The following FLG2 variants were observed in gnomAD, a reference collection of about 807,000 sequenced individuals.
FLG2 encodes filaggrin-2.
FLG2 carries 7 observed loss-of-function variants against 3.9 expected under a neutral mutation model. That is an observed-to-expected ratio of 1.79 (90% CI 1.02 to 3.36). The LOEUF is 3.36. Among genes scored for constraint, FLG2 ranks in the 30% most tolerant of loss-of-function variants. The probability of loss-of-function intolerance (pLI) is 0.00; values close to 1 mark genes in which losing one functional copy is unlikely to be tolerated. For synonymous variants in FLG2, 1,031 were observed against 1,056.1 expected (o/e 0.98, Z 0.46); for missense variants, 2,700 against 2,809.4 (o/e 0.96, Z 0.88).
At position 152,353,542 on chromosome 1, in the gene FLG2, C is replaced by A; in HGVS notation, c.4244G>T (p.Arg1415Met). The change falls in exon 3 of 3, where the codon AGG (arginine) becomes ATG (methionine). Residue 1415 changes from arginine to methionine, a missense_variant. Transcript: ENST00000388718. The part of the protein sequence containing the change: ...GHGQSTQRGS[R>M]TTGRRGSGHS... ...GCCAGATCCCCTTCTTCCAGTTGTC[C>A]TGGACCCTCTCTGTGTGGACTGTCC... 1 of 1,613,966 alleles carries A rather than the reference C, an allele frequency of 6.2e-7. No individual in the cohort carries two copies. Among genetic ancestry groups the A allele is most frequent in the Non-Finnish European group, 8.5e-7 (1 of 1,180,008 alleles).
rs139032808 is a variant in FLG2, at chr1:152,356,780, A to C, written c.1006T>G (p.Ser336Ala). The C allele has an allele frequency of 3.2e-5, 52 of 1,613,938 alleles. No homozygotes were observed. In the African/African-American group the frequency reaches 6.5e-4, roughly 20 times the overall value. The change falls in exon 3 of 3, where the codon TCT becomes GCT. Residue 336 changes from serine (S) to alanine (A), a missense_variant. By Grantham distance (99) the Ser-to-Ala change is moderately conservative. Transcript: ENST00000388718. ...TTAGACTCAGGTTGACCACATCCAG[A>C]GGGCTGACCTCCTGAGACACAGCCA... ...GHGCVSGGQP[S>A]GCGQPESNPC...
At position 152,355,398 on chromosome 1, in the gene FLG2, T is replaced by C. The variant is rs1245612226; in HGVS notation, c.2388A>G (p.Gln796=). The change falls in exon 3 of 3, where the codon CAA becomes CAG. Residue 796 remains glutamine (Q), a synonymous_variant. Transcript: ENST00000388718. ...HGSRQTSGFG[Q]HGSGSSQSTG... ...TGGATTGACTTGAGCCTGACCCATGTTGTCCAAAGCCAGATGTCTGTCTAG... is the reference window on the plus strand; with the variant it reads ...TGGATTGACTTGAGCCTGACCCATGCTGTCCAAAGCCAGATGTCTGTCTAG... 6.2e-7 allele frequency: 1 copy of C among 1,613,118 alleles called. No homozygotes were observed. The highest frequency in any genetic ancestry group is 8.5e-7 in the Non-Finnish European group (1 of 1,179,834).
Position 152,355,970 on chromosome 1 carries a change from A to G in FLG2, c.1816T>C (p.Phe606Leu). The G allele has an allele frequency of 6.2e-7, 1 of 1,609,108 alleles. No individual in the cohort carries two copies. The highest frequency in any genetic ancestry group is 2.2e-5 in the East Asian group (1 of 44,632). Reference sequence around the variant, plus strand: ...CCTGATCTAGACTCATGTTGTCCAAAGCCAGAGGATTGTCCTGAGCCAGAC... The same window carrying G: ...CCTGATCTAGACTCATGTTGTCCAAGGCCAGAGGATTGTCCTGAGCCAGAC... ...HGSGSGQSSG[F>L]GQHESRSGQS... Residue 606 changes from phenylalanine to leucine, a missense_variant, in exon 3 of 3, where the codon TTT (phenylalanine) becomes CTT (leucine). Phe to Leu is a conservative substitution (Grantham distance 22). Transcript: ENST00000388718.
chr1:152,352,352 G>A lies in FLG2; in HGVS notation c.5434C>T (p.His1812Tyr). The change falls in exon 3 of 3, where the codon CAC (histidine) becomes TAC (tyrosine). Residue 1812 changes from histidine (H) to tyrosine (Y), a missense_variant. His to Tyr is a moderately conservative substitution (Grantham distance 83). Transcript: ENST00000388718. ...GHSEYSDSEG[H>Y]SGFSQRPHSR... ...TGTGGTCTTTGTGAGAACCCTGAGTGCCCTTCACTGTCACTGTACTCACTG... is the reference window on the plus strand; with the variant it reads ...TGTGGTCTTTGTGAGAACCCTGAGTACCCTTCACTGTCACTGTACTCACTG... The A allele has an allele frequency of 1.2e-6, 2 of 1,613,380 alleles. No individual in the cohort carries two copies. Among genetic ancestry groups the A allele is most frequent in the South Asian group, 2.2e-5 (2 of 91,046 alleles).
At chr1:152,358,369 T>G (rs1338316938) in intron 2 of FLG2, among the ~76,000 whole-genome samples, 8 of 152,212 alleles carry the variant, frequency 5.3e-5, no homozygotes, top group Admixed American at 4.6e-4. Context: ...TTATTTTTGA[T>G]TCTTAATCAT....
rs1368627121 is a variant in FLG2, at chr1:152,350,854, C to T, written c.6932G>A (p.Gly2311Asp). The part of the protein sequence containing the change: ...TGDTTRHGHS[G>D]YGQSTQTGSR... Reference sequence around the variant, plus strand: ...ACCTGTCTGTGTGGATTGTCCATAACCAGAATGGCCATGTCTAGTGGTATC... The same window carrying T: ...ACCTGTCTGTGTGGATTGTCCATAATCAGAATGGCCATGTCTAGTGGTATC... Residue 2311 changes from glycine to aspartate, a missense_variant, in exon 3 of 3, where the codon GGT becomes GAT. Gly to Asp is a moderately conservative substitution (Grantham distance 94, BLOSUM62 -1). Transcript: ENST00000388718. The T allele has an allele frequency of 6.2e-7, 1 of 1,614,034 alleles. No homozygotes were observed. Among genetic ancestry groups the T allele is most frequent in the Non-Finnish European group, 8.5e-7 (1 of 1,180,040 alleles).
At chr1:152,357,996 A>G (rs1654312794) in intron 2 of FLG2, among the ~76,000 whole-genome samples, 1 of 151,730 alleles carries the variant, frequency 6.6e-6, no homozygotes, top group African/African-American at 2.4e-5. Flanking sequence ...GGAATTTATC[A>G]TCTATTATTT....
chr1:152,354,732 A>G lies in FLG2; in HGVS notation c.3054T>C (p.Ser1018=). 1.2e-6 allele frequency: 2 copies of G among 1,613,348 alleles called. No individual in the cohort carries two copies. The highest frequency in any genetic ancestry group is 1.7e-6 in the Non-Finnish European group (2 of 1,179,824). ...QSSGYGQHGS[S]SGQTTGFGQH... is the part of the protein sequence containing the mutation. ...GTCCAAAGCCAGTTGTCTGTCCTGA[A>G]CTAGACCCATGTTGACCATAGCCAG... Residue 1018 remains serine (S), a synonymous_variant, in exon 3 of 3, where the codon AGT becomes AGC. Coordinates refer to ENST00000388718, the MANE Select transcript of FLG2 (RefSeq NM_001014342.3).
Position 152,355,884 on chromosome 1 carries a change from A to G in FLG2, c.1902T>C (p.His634=), listed in dbSNP as rs769088988. 2 of 1,611,346 alleles carry G rather than the reference A, an allele frequency of 1.2e-6. No homozygotes were observed. The highest frequency in any genetic ancestry group is 1.1e-5 in the South Asian group (1 of 90,820). The change falls in exon 3 of 3, where the codon CAT becomes CAC. Residue 634 remains histidine, a synonymous_variant. Coordinates refer to ENST00000388718, the MANE Select transcript of FLG2 (RefSeq NM_001014342.3). ...CAAAGCCAGATGTCTGTCTAGACCC[A>G]TGTTGGCCATAGCCAGATGACTGAC... The part of the protein sequence containing the change: ...GSSQSSGYGQ[H]GSRQTSGFGQ...
intron 2 of FLG2, 124 bp from the exon 3 acceptor site, chr1:152,357,771 A>C: frequency 1.4e-6 from 1 of 697,148 alleles, no homozygotes; most frequent in Non-Finnish European, 2.4e-6. Flanking sequence ...CCAATAAAGG[A>C]TTACTTTAGG....
rs139597182 is a variant in FLG2, at chr1:152,357,058, C to T, written c.728G>A (p.Gly243Glu). 3.2e-5 allele frequency: 52 copies of T among 1,614,200 alleles called. No individual in the cohort carries two copies. In the African/African-American group the frequency reaches 5.6e-4, roughly 17 times the overall value. The change falls in exon 3 of 3, where the codon GGA (glycine) becomes GAA (glutamate). Residue 243 changes from glycine (G) to glutamate (E), a missense_variant. By Grantham distance (98) the Gly-to-Glu change is moderately conservative. Transcript: ENST00000388718. The part of the protein sequence containing the change: ...ERKGHGGLSC[G>E]LETSGHESNS... ...TGATTCATGCCCACTAGTCTCCAATCCACATGACAGACCACCATGACCTTT... is the reference window on the plus strand; with the variant it reads ...TGATTCATGCCCACTAGTCTCCAATTCACATGACAGACCACCATGACCTTT...
chr1:152,356,770 CCACATCCAGAGGGCTGA>C lies in FLG2; in HGVS notation c.999_1015del (p.Gln334SerfsTer3), dbSNP rs559419527. The C allele has an allele frequency of 4.1e-5, 66 of 1,614,152 alleles. No homozygotes were observed. Among genetic ancestry groups the C allele is most frequent in the Non-Finnish European group, 5.4e-5 (64 of 1,180,018 alleles). On this transcript the variant is annotated frameshift_variant, in exon 3 of 3. Transcript: ENST00000388718. LOFTEE classifies it low-confidence loss of function (END_TRUNC). ...ACTACAGGGGTTAGACTCAGGTTGACCACATCCAGAGGGCTGACCTCCTGAGACACAGCCATGGCCTT... is the reference window on the plus strand; with the variant it reads ...ACTACAGGGGTTAGACTCAGGTTGACCCTCCTGAGACACAGCCATGGCCTT...
Position 152,350,945 on chromosome 1 carries a change from A to C in FLG2, c.6841T>G (p.Ser2281Ala), listed in dbSNP as rs750341551. 6.2e-7 allele frequency: 1 copy of C among 1,613,208 alleles called. No homozygotes were observed. Among genetic ancestry groups the C allele is most frequent in the South Asian group, 1.1e-5 (1 of 91,036 alleles). Residue 2281 changes from serine (S) to alanine (A), a missense_variant, in exon 3 of 3, where the codon TCT (serine) becomes GCT (alanine). Ser to Ala is a moderately conservative substitution (Grantham distance 99). Transcript: ENST00000388718. ...HSGHIQGQAG[S>A]QQRQPGSTVH... is the part of the protein sequence containing the mutation. ...GTGGATCCTGGCTGTCTTTGTTGAGATCCAGCTTGGCCCTGAATGTGTCCT... is the reference window on the plus strand; with the variant it reads ...GTGGATCCTGGCTGTCTTTGTTGAGCTCCAGCTTGGCCCTGAATGTGTCCT...
chr1:152,354,465 T>C lies in FLG2; in HGVS notation c.3321A>G (p.Pro1107=), dbSNP rs199779182. ...GQTSGFGQHR[P]GSGQSSGFGQ... Reference sequence around the variant, plus strand: ...CAAAGCCAGAGGACTGACCTGAGCCTGGCCTGTGTTGTCCAAATCCAGATG... The same window carrying C: ...CAAAGCCAGAGGACTGACCTGAGCCCGGCCTGTGTTGTCCAAATCCAGATG... Residue 1107 remains proline (P), a synonymous_variant, in exon 3 of 3, where the codon CCA becomes CCG. Coordinates refer to ENST00000388718, the MANE Select transcript of FLG2 (RefSeq NM_001014342.3). The C allele has an allele frequency of 3.1e-6, 5 of 1,614,050 alleles. No individual in the cohort carries two copies. The African/African-American group carries it at 6.7e-5, about 22-fold the overall frequency.
At chr1:152,359,442 G>A (rs1421762527) in intron 1 of FLG2, among the ~76,000 whole-genome samples, 3 of 152,164 alleles carry the variant, frequency 2.0e-5, no homozygotes, top group Non-Finnish European at 4.4e-5. Context: ...TGTTTCATAG[G>A]CATGAGACAG....
At position 152,351,505 on chromosome 1, in the gene FLG2, C is replaced by A; in HGVS notation, c.6281G>T (p.Gly2094Val). ...TCCCCTTCTTCCAGCTGTCCTTGAC[C>A]CTCTCTGTGTGGACTGTCCATGACC... is the stretch of plus-strand genomic sequence containing the variant. ...HSGHGQSTQR[G>V]SRTAGRRGSG... is the part of the protein sequence containing the mutation. The change falls in exon 3 of 3, where the codon GGG becomes GTG. Residue 2094 changes from glycine (G) to valine (V), a missense_variant. Physicochemically the swap from Gly to Val is moderately radical, Grantham distance 109. Coordinates refer to ENST00000388718, the MANE Select transcript of FLG2 (RefSeq NM_001014342.3). 1 of 1,611,702 alleles carries A rather than the reference C, an allele frequency of 6.2e-7. No homozygotes were observed. Among genetic ancestry groups the A allele is most frequent in the South Asian group, 1.1e-5 (1 of 90,922 alleles).
In FLG2 at chr1:152,349,985, T is replaced by C. The variant is rs1417854006; in HGVS notation, c.*625A>G. On this transcript the variant is annotated 3_prime_UTR_variant, in exon 3 of 3. Transcript: ENST00000388718. Reference sequence around the variant, plus strand: ...ATGTATCTTTGACTTTTGCTGTCATTTGACTACTCATAACTATCATTTGAT... The same window carrying C: ...ATGTATCTTTGACTTTTGCTGTCATCTGACTACTCATAACTATCATTTGAT... 1 of 154,266 alleles carries C rather than the reference T, an allele frequency of 6.5e-6. No homozygotes were observed. The highest frequency in any genetic ancestry group is 1.9e-4 in the East Asian group (1 of 5,214). 9.6% of individuals were successfully genotyped at this position (154,266 alleles called of 1,614,324 possible).
Position 152,351,871 on chromosome 1 carries a change from G to C in FLG2, c.5915C>G (p.Ser1972Ter), listed in dbSNP as rs1371393035. 5.0e-6 allele frequency: 8 copies of C among 1,612,434 alleles called. No individual in the cohort carries two copies. Among genetic ancestry groups the C allele is most frequent in the Non-Finnish European group, 6.8e-6 (8 of 1,179,586 alleles). ...EGPSGVSHTH[S>*]GHTHGQAGSH... ...TCCAGCTTGACCGTGAGTGTGTCCT[G>C]AATGTGTGTGTGAGACCCCTGAGGG... is the stretch of plus-strand genomic sequence containing the variant. Residue 1972 changes from serine to a stop codon, truncating the protein, a stop_gained, in exon 3 of 3, where the codon TCA (serine) becomes TGA (stop). Transcript: ENST00000388718. LOFTEE classifies it low-confidence loss of function (END_TRUNC).
rs1036382877 is a variant in FLG2 at position 152,350,904 on chromosome 1, C to T, written c.6882G>A (p.Leu2294=). The T allele has an allele frequency of 3.1e-6, 5 of 1,613,524 alleles. No homozygotes were observed. Among genetic ancestry groups the T allele is most frequent in the Non-Finnish European group, 4.2e-6 (5 of 1,179,890 alleles). ...RQPGSTVHGR[L]ETTHGQTGDT... is the part of the protein sequence containing the mutation. Reference sequence around the variant, plus strand: ...CTCCTGTCTGTCCATGAGTAGTTTCCAGTCTCCCATGAACTGTGGATCCTG... The same window carrying T: ...CTCCTGTCTGTCCATGAGTAGTTTCTAGTCTCCCATGAACTGTGGATCCTG... The change falls in exon 3 of 3, where the codon CTG becomes CTA. Residue 2294 remains leucine, a synonymous_variant. Transcript: ENST00000388718.
Sources: allele counts gnomAD v4.1 joint callset (sites outside exome capture counted in the v4.1 genomes callset), GRCh38; gene constraint gnomAD v4.1.1; transcripts MANE v1.5; gene names NCBI Gene and HGNC (gene_info 2026-07-23, HGNC 2026-07-21).